The following HTR2A variants were observed in gnomAD, a reference collection of about 807,000 sequenced individuals.
HTR2A encodes the protein 5-hydroxytryptamine receptor 2A, also known as 5-HT2 receptor.
Under a neutral mutation model 31.0 loss-of-function variants are expected in HTR2A, and 14 were observed. The observed-to-expected ratio is 0.45, with a 90% CI of 0.30 to 0.71. The LOEUF is 0.71. HTR2A is among the 30% of genes least tolerant of loss of function. HTR2A has a pLI of 0.09. For missense variants in HTR2A, 442 were observed against 573.3 expected, an observed-to-expected ratio of 0.77 and a Z score of 2.34; for synonymous variants, 209 against 225.2, an observed-to-expected ratio of 0.93 and a Z score of 0.64.
At position 46,876,449 on chromosome 13, in the gene HTR2A, G is replaced by A. The variant is rs192555187; in HGVS notation, c.613+15941C>T. Among the ~76,000 whole-genome samples, 17 of 123,982 alleles carry A rather than the reference G, an allele frequency of 1.4e-4. 2 individuals carry two copies. Among genetic ancestry groups the A allele is most frequent in the African/African-American group, 4.5e-4 (15 of 33,060 alleles). The allele number at this position is 123,982 out of a possible 152,430, so 81.3% of individuals were successfully genotyped here. Reference sequence around the variant, plus strand: ...TTTTGAGACAGAGTCTTGCTCTGTCGCACAGGCTGGAGTGCAGTGGCGCAA... The same window carrying A: ...TTTTGAGACAGAGTCTTGCTCTGTCACACAGGCTGGAGTGCAGTGGCGCAA... On this transcript the variant is annotated intron_variant, in intron 3 of 3. Transcript: ENST00000542664.
intron 3 of HTR2A, among the ~76,000 whole-genome samples, chr13:46,872,644 G>A (rs1195314811): frequency 6.6e-6 from 1 of 152,136 alleles, no homozygotes; most frequent in Non-Finnish European, 1.5e-5. Context: ...AAGGACACAT[G>A]AAAACATTGG....
At chr13:46,890,363 A>G (rs1338849638) in intron 3 of HTR2A, among the ~76,000 whole-genome samples, 4 of 152,136 alleles carry the variant, frequency 2.6e-5, no homozygotes, top group Admixed American at 6.5e-5. Context: ...GGCCAAGTGG[A>G]TGGATGAATG....
At chr13:46,887,464 A>G (rs1232712639) in intron 3 of HTR2A, among the ~76,000 whole-genome samples, 2 of 151,026 alleles carry the variant, frequency 1.3e-5, no homozygotes, top group African/African-American at 2.4e-5. Flanking sequence ...ACAGTACTCA[A>G]TTAAAAAAAT....
rs767922117 is a variant in HTR2A, at chr13:46,895,957, T to A, written c.-51A>T. The A allele has an allele frequency of 6.5e-7, 1 of 1,549,220 alleles. No homozygotes were observed. Among genetic ancestry groups the A allele is most frequent in the Admixed American group, 1.9e-5 (1 of 53,188 alleles). ...GAGGTGTAGAAGGACTAACAGGTTATAGTTTCTGCTCACCATTCACCTTGA... is the reference window on the plus strand; with the variant it reads ...GAGGTGTAGAAGGACTAACAGGTTAAAGTTTCTGCTCACCATTCACCTTGA... On this transcript the variant is annotated 5_prime_UTR_variant, in exon 2 of 4. Transcript: ENST00000542664. The surrounding 1 kb of genome is among the most constrained non-coding windows in gnomAD (Gnocchi z 4.4).
intron 3 of HTR2A, among the ~76,000 whole-genome samples, chr13:46,885,999 A>G (rs1449969595): frequency 2.0e-5 from 3 of 152,218 alleles, no homozygotes; most frequent in Non-Finnish European, 4.4e-5. Context: ...TGCCAATCAT[A>G]TACATTGCAA....
Position 46,852,800 on chromosome 13 carries a change from G to C in HTR2A, c.614-17161C>G, listed in dbSNP as rs566244359. On this transcript the variant is annotated intron_variant, in intron 3 of 3. Transcript: ENST00000542664. The stretch of plus-strand genomic sequence containing the variant: ...AAACATTTTAAAATCACTTAGTCAT[G>C]CTCCTCAAAAAATTTTAACTTTTGG... Among the ~76,000 whole-genome samples, 7 of 152,094 alleles carry C rather than the reference G, an allele frequency of 4.6e-5. No homozygotes were observed. In the East Asian group the frequency reaches 7.7e-4, roughly 17 times the overall value.
chr13:46,864,752 TCC>T (rs1950806716), intron 3 of HTR2A, among the ~76,000 whole-genome samples: 1 of 143,190 alleles, frequency 7.0e-6, no homozygotes, highest in African/African-American at 2.6e-5. Context: ...TGCTGTCAAG[TCC>T]TTATGTGAGG....
At position 46,834,524 on chromosome 13, in the gene HTR2A, A is replaced by G. The variant is rs1468644749; in HGVS notation, c.*313T>C. ...AGCAGCAAGGTTTCCACTTGAAAAT[A>G]GAAGTTAATTTAGATTTACTTAGGG... On this transcript the variant is annotated 3_prime_UTR_variant, in exon 4 of 4. Transcript: ENST00000542664. 2 of 261,930 alleles carry G rather than the reference A, an allele frequency of 7.6e-6. No homozygotes were observed. The highest frequency in any genetic ancestry group is 9.6e-5 in the Admixed American group (2 of 20,908). 16.2% of individuals were successfully genotyped at this position (261,930 alleles called of 1,614,324 possible).
At chr13:46,872,424 T>A (rs1486662924) in intron 3 of HTR2A, among the ~76,000 whole-genome samples, 1 of 152,242 alleles carries the variant, frequency 6.6e-6, no homozygotes, top group East Asian at 1.9e-4. Context: ...ATACTTTGCA[T>A]CTCAATTAGT....
intron 3 of HTR2A, 71 bp downstream of exon 3, chr13:46,892,319 A>T: frequency 6.9e-7 from 1 of 1,448,262 alleles, no homozygotes; most frequent in Admixed American, 1.7e-5. Flanking sequence ...AGTACAACAA[A>T]ATGGAACAAG....
intron 3 of HTR2A, among the ~76,000 whole-genome samples, chr13:46,867,462 T>C (rs961478010): frequency 1.3e-5 from 2 of 152,252 alleles, no homozygotes; most frequent in Non-Finnish European, 2.9e-5. Flanking sequence ...TTTGTAGCAA[T>C]ATTATGAGAT....
chr13:46,886,493 ATG>A (rs1951007454), intron 3 of HTR2A, among the ~76,000 whole-genome samples: 1 of 100,022 alleles, frequency 1.0e-5, no homozygotes, highest in African/African-American at 2.7e-5. Context: ...ATCTATCCAT[ATG>A]TTACTTGTGA....
Position 46,896,749 on chromosome 13 carries a change from G to T in HTR2A, c.-404C>A. ...CTGCATCTCTCACAGTAATTAAACT[G>T]GTGTAGAGTCCCCTCTTCTTGATCT... On this transcript the variant is annotated 5_prime_UTR_variant, in exon 1 of 4. Coordinates refer to ENST00000542664, the MANE Select transcript of HTR2A (RefSeq NM_000621.5). 1 of 1,534,852 alleles carries T rather than the reference G, an allele frequency of 6.5e-7. No homozygotes were observed. The highest frequency in any genetic ancestry group is 8.7e-7 in the Non-Finnish European group (1 of 1,144,794).
chr13:46,867,779 G>A (rs1490229657), intron 3 of HTR2A, among the ~76,000 whole-genome samples: 4 of 152,190 alleles, frequency 2.6e-5, no homozygotes, highest in African/African-American at 7.2e-5. Context: ...AGAAAGTGGC[G>A]ATACTCTGGC....
chr13:46,857,161 G>A (rs1950744455), intron 3 of HTR2A, among the ~76,000 whole-genome samples: 1 of 151,928 alleles, frequency 6.6e-6, no homozygotes, highest in Admixed American at 6.6e-5. Context: ...TTAGCTGGGG[G>A]TGATTGTGCT....
chr13:46,837,073 G>C (rs983864419), intron 3 of HTR2A, among the ~76,000 whole-genome samples: 1 of 152,164 alleles, frequency 6.6e-6, no homozygotes, highest in African/African-American at 2.4e-5. Flanking sequence ...AGATTTGGGG[G>C]ATCTGTAAGG....
intron 3 of HTR2A, among the ~76,000 whole-genome samples, chr13:46,885,493 A>G (rs1950999163): frequency 6.6e-6 from 1 of 152,254 alleles, no homozygotes; most frequent in South Asian, 2.1e-4. Context: ...TAAGATCTTC[A>G]AAATATTCTG....
chr13:46,837,756 T>C (rs1392890446), intron 3 of HTR2A, among the ~76,000 whole-genome samples: 4 of 152,252 alleles, frequency 2.6e-5, no homozygotes, highest in Non-Finnish European at 4.4e-5. Flanking sequence ...CACCTCACAT[T>C]GGCCATCGTG....
At chr13:46,868,286 T>C (rs973499795) in intron 3 of HTR2A, among the ~76,000 whole-genome samples, 1 of 152,184 alleles carries the variant, frequency 6.6e-6, no homozygotes, top group Non-Finnish European at 1.5e-5. Context: ...TGAAGGCAGC[T>C]ATATGGCTGG....
Sources: gnomAD v4.1 joint callset for allele counts (sites outside exome capture counted in the v4.1 genomes callset) on GRCh38, gnomAD v4.1.1 for gene constraint, Gnocchi (gnomAD v3.1) non-coding constraint, MANE v1.5 for transcripts, NCBI Gene and HGNC (gene_info 2026-07-23, HGNC 2026-07-21) for gene names.